Variants in UIMC1 observed in about 807,000 individuals in gnomAD.
UIMC1 encodes ubiquitin interaction motif containing 1.
Under a neutral mutation model 84.9 loss-of-function variants are expected in UIMC1, and 42 were observed. That is an observed-to-expected ratio of 0.49 (90% CI 0.39 to 0.64). The LOEUF is 0.64. Among genes scored for constraint, UIMC1 ranks in the 30% least tolerant of loss-of-function variants. The probability of loss-of-function intolerance (pLI) is 0.00; values close to 1 mark genes in which losing one functional copy is unlikely to be tolerated. For synonymous variants in UIMC1, 281 were observed against 293.0 expected, an observed-to-expected ratio of 0.96 and a Z score of 0.42; for missense variants, 825 against 847.6, an observed-to-expected ratio of 0.97 and a Z score of 0.33.
chr5:176,916,093 A>G (rs967132774), intron 10 of UIMC1, among the ~76,000 whole-genome samples: 6 of 152,230 alleles, frequency 3.9e-5, no homozygotes, highest in African/African-American at 1.4e-4. Flanking sequence ...TGCCCCTACA[A>G]AAGAGCAGAG....
At chr5:176,930,486 A>G (rs917013331) in intron 10 of UIMC1, among the ~76,000 whole-genome samples, 2 of 152,170 alleles carry the variant, frequency 1.3e-5, no homozygotes, top group Non-Finnish European at 2.9e-5. Context: ...TTCCTCTTTT[A>G]TAAGTGAAAT....
At chr5:177,016,998 G>A (rs1775687943) in intron 1 of UIMC1, among the ~76,000 whole-genome samples, 1 of 152,214 alleles carries the variant, frequency 6.6e-6, no homozygotes, top group Non-Finnish European at 1.5e-5. Context: ...ACTCCAGCCT[G>A]GGTGACAAGT....
At chr5:176,906,681 C>A (rs564486925) in intron 13 of UIMC1, among the ~76,000 whole-genome samples, 1 of 152,352 alleles carries the variant, frequency 6.6e-6, no homozygotes, top group East Asian at 1.9e-4. Context: ...CACTCTACTG[C>A]TCCCTAAATA....
chr5:177,007,805 T>C (rs1453656768), upstream of UIMC1, among the ~76,000 whole-genome samples: 1 of 152,076 alleles, frequency 6.6e-6, no homozygotes, highest in Non-Finnish European at 1.5e-5. Context: ...TCATGATTTC[T>C]ATTAAAAAGA....
At chr5:176,993,064 T>G (rs1187803178) in intron 1 of UIMC1, among the ~76,000 whole-genome samples, 1 of 150,938 alleles carries the variant, frequency 6.6e-6, no homozygotes, top group African/African-American at 2.4e-5. Context: ...TGTGCACCTA[T>G]AATCCCAGCT....
At chr5:176,952,975 T>C (rs1234827782) in intron 8 of UIMC1, among the ~76,000 whole-genome samples, 1 of 152,080 alleles carries the variant, frequency 6.6e-6, no homozygotes, top group East Asian at 1.9e-4. Context: ...ACCCCTAATG[T>C]GATAATATTA....
Position 176,975,381 on chromosome 5 carries a change from A to C in UIMC1, c.232+15T>G. 1.2e-6 allele frequency: 2 copies of C among 1,613,124 alleles called. No individual in the cohort carries two copies. The highest frequency in any genetic ancestry group is 1.7e-6 in the Non-Finnish European group (2 of 1,179,256). On this transcript the variant is annotated intron_variant, in intron 3 of 14. Coordinates refer to ENST00000511320, the MANE Select transcript of UIMC1 (RefSeq NM_001199298.2). ...TTACAATTCCCAAACCATTATCAAC[A>C]AAATGAAAACATACGTGCGATTTTT... is the stretch of plus-strand genomic sequence containing the variant.
chr5:176,943,212 C>T, intron 10 of UIMC1, 123 bp downstream of exon 10: 1 of 1,284,532 alleles, frequency 7.8e-7, no homozygotes, highest in Admixed American at 2.6e-5. Flanking sequence ...TAGAAAAAAC[C>T]CAAGACCAAC....
chr5:176,907,290 C>T (rs1759518197), intron 12 of UIMC1, 113 bp from the exon 13 acceptor site: 2 of 1,013,646 alleles, frequency 2.0e-6, no homozygotes, highest in Non-Finnish European at 2.9e-6. Context: ...GGGGCCACAG[C>T]TCTAGGGAAG....
chr5:177,015,240 G>A (rs1775645760), intron 1 of UIMC1, among the ~76,000 whole-genome samples: 1 of 152,158 alleles, frequency 6.6e-6, no homozygotes, highest in Non-Finnish European at 1.5e-5. Context: ...TTTTACAGAT[G>A]GAGAAGCAGC....
intron 9 of UIMC1, among the ~76,000 whole-genome samples, chr5:176,944,228 G>T (rs1471485048): frequency 1.3e-5 from 2 of 152,140 alleles, no homozygotes; most frequent in Non-Finnish European, 2.9e-5. Flanking sequence ...TTTCTGGATT[G>T]AAAGAGGAAA....
chr5:176,928,486 A>G (rs1016732543), intron 10 of UIMC1, among the ~76,000 whole-genome samples: 1 of 152,232 alleles, frequency 6.6e-6, no homozygotes, highest in African/African-American at 2.4e-5. Flanking sequence ...CTTTAAAAAG[A>G]ACTTCTTGGG....
intron 9 of UIMC1, among the ~76,000 whole-genome samples, chr5:176,945,293 A>C (rs1284892183): frequency 6.6e-6 from 1 of 152,196 alleles, no homozygotes; most frequent in Non-Finnish European, 1.5e-5. Flanking sequence ...TAAATCTTAA[A>C]ACGAAAAGTT....
At chr5:176,927,894 C>T (rs1220339014) in intron 10 of UIMC1, among the ~76,000 whole-genome samples, 1 of 150,778 alleles carries the variant, frequency 6.6e-6, no homozygotes, top group Non-Finnish European at 1.5e-5. Flanking sequence ...TCTTGTTGCC[C>T]AGGCTGGAGT....
intron 1 of UIMC1, among the ~76,000 whole-genome samples, chr5:177,021,465 A>C (rs1347635225): frequency 1.3e-5 from 2 of 152,164 alleles, no homozygotes; most frequent in Admixed American, 6.6e-5. Context: ...CAGACAAGGT[A>C]TTTTAGATAG....
chr5:176,998,072 G>A (rs1426743811), intron 1 of UIMC1, among the ~76,000 whole-genome samples: 1 of 152,070 alleles, frequency 6.6e-6, no homozygotes, highest in African/African-American at 2.4e-5. Flanking sequence ...ACTCATTTGC[G>A]TGATTTTTCA....
chr5:176,984,222 G>GCCA (rs1771570275), intron 1 of UIMC1, among the ~76,000 whole-genome samples: 1 of 127,354 alleles, frequency 7.9e-6, no homozygotes. Flanking sequence ...CTGCCCGGCC[G>GCCA]CCCCATCTGG....
intron 10 of UIMC1, among the ~76,000 whole-genome samples, chr5:176,921,234 C>T (rs895101634): frequency 1.3e-5 from 2 of 152,138 alleles, no homozygotes; most frequent in African/African-American, 4.8e-5. Context: ...GAATGAATTG[C>T]CCACACGGCT....
chr5:176,980,519 C>T (rs1455769362), intron 2 of UIMC1, among the ~76,000 whole-genome samples: 1 of 152,084 alleles, frequency 6.6e-6, no homozygotes, highest in Admixed American at 6.6e-5. Flanking sequence ...TTACTGCCTT[C>T]AGATCACACA....
Sources: gnomAD v4.1 joint callset for allele counts (sites outside exome capture counted in the v4.1 genomes callset) on GRCh38, gnomAD v4.1.1 for gene constraint, MANE v1.5 for transcripts, NCBI Gene and HGNC (gene_info 2026-07-23, HGNC 2026-07-21) for gene names.